SPPL3: variants seen among roughly 807,000 people sequenced by gnomAD.
SPPL3 encodes signal peptide peptidase like 3.
In SPPL3, 5 loss-of-function variants were observed where a neutral mutation model predicts 42.4. The observed-to-expected ratio is 0.12, with a 90% CI of 0.06 to 0.25. The LOEUF (loss-of-function observed/expected upper bound fraction) is 0.25, where lower values mean the gene tolerates loss of function less well. SPPL3 is among the 10% of genes least tolerant of loss of function. SPPL3 has a pLI of 1.00. For missense variants in SPPL3, 235 were observed against 489.0 expected (o/e 0.48, Z 4.90); for synonymous variants, 195 against 181.8 (o/e 1.07, Z -0.58).
At chr12:120,790,249 T>C (rs1042325480) in intron 3 of SPPL3, among the ~76,000 whole-genome samples, 2 of 152,252 alleles carry the variant, frequency 1.3e-5, no homozygotes, top group Non-Finnish European at 2.9e-5. Context: ...TATATTTAAA[T>C]GAGTCGACTT....
intron 1 of SPPL3, among the ~76,000 whole-genome samples, chr12:120,813,776 A>T (rs1247814701): frequency 1.3e-5 from 2 of 152,204 alleles, no homozygotes; most frequent in African/African-American, 2.4e-5. Context: ...AACCCATCAG[A>T]AACTGCCAAT....
At chr12:120,901,577 C>T (rs1370965224) in intron 1 of SPPL3, among the ~76,000 whole-genome samples, 1 of 120,436 alleles carries the variant, frequency 8.3e-6, no homozygotes, top group Non-Finnish European at 1.6e-5. Context: ...GGTGACAGAG[C>T]GAGACTCCGT....
At chr12:120,817,459 C>T (rs1592977330) in intron 1 of SPPL3, among the ~76,000 whole-genome samples, 1 of 152,292 alleles carries the variant, frequency 6.6e-6, no homozygotes. Context: ...GTATTTTCCT[C>T]TTTTAATCAC....
chr12:120,820,264 G>A (rs1215244601), intron 1 of SPPL3, among the ~76,000 whole-genome samples: 3 of 149,918 alleles, frequency 2.0e-5, no homozygotes, highest in African/African-American at 4.9e-5. Context: ...TTCCCTTTAT[G>A]GAAATATGTT....
chr12:120,902,188 G>GC (rs758335348), intron 1 of SPPL3, among the ~76,000 whole-genome samples: 1 of 152,208 alleles, frequency 6.6e-6, no homozygotes, highest in Non-Finnish European at 1.5e-5. Flanking sequence ...TCTTTTTAGA[G>GC]CACGTGTTCA....
chr12:120,902,119 C>T (rs544791139), intron 1 of SPPL3, among the ~76,000 whole-genome samples: 1 of 152,324 alleles, frequency 6.6e-6, no homozygotes, highest in Admixed American at 6.5e-5. Context: ...ATCTTGTGTT[C>T]CCTACGACCT....
At chr12:120,850,502 A>C (rs970003108) in intron 1 of SPPL3, among the ~76,000 whole-genome samples, 1 of 151,100 alleles carries the variant, frequency 6.6e-6, no homozygotes, top group African/African-American at 2.4e-5. Context: ...TAAAAAAAAA[A>C]AAAAAAAAAA....
intron 3 of SPPL3, among the ~76,000 whole-genome samples, chr12:120,790,050 A>G (rs1489349350): frequency 6.6e-6 from 1 of 152,152 alleles, no homozygotes; most frequent in African/African-American, 2.4e-5. Context: ...GGACTTTTAA[A>G]AAGAGTTTCA....
chr12:120,886,979 A>AT (rs1873481586), intron 1 of SPPL3, among the ~76,000 whole-genome samples: 1 of 139,078 alleles, frequency 7.2e-6, no homozygotes, highest in Non-Finnish European at 1.7e-5. Context: ...GTGATATAAT[A>AT]ATTTTTTTTT....
At chr12:120,827,481 A>G (rs922709227) in intron 1 of SPPL3, among the ~76,000 whole-genome samples, 2 of 152,076 alleles carry the variant, frequency 1.3e-5, no homozygotes, top group African/African-American at 4.8e-5. Context: ...CCTGAGGAAC[A>G]TACTTCCACT....
chr12:120,782,879 C>G, intron 5 of SPPL3, 112 bp from the exon 6 acceptor site: 1 of 762,638 alleles, frequency 1.3e-6, no homozygotes, highest in Non-Finnish European at 2.2e-6. Context: ...ACCAAGATAG[C>G]TGGAAATCCA....
At chr12:120,888,318 C>G (rs1043501865) in intron 1 of SPPL3, among the ~76,000 whole-genome samples, 2 of 152,150 alleles carry the variant, frequency 1.3e-5, no homozygotes, top group Admixed American at 1.3e-4. Flanking sequence ...TCAGGTGATC[C>G]ACCTGCCTCA....
intron 1 of SPPL3, among the ~76,000 whole-genome samples, chr12:120,898,325 A>AT (rs1873875983): frequency 6.7e-6 from 1 of 148,858 alleles, no homozygotes; most frequent in African/African-American, 2.5e-5. Flanking sequence ...AAAAAAAAAA[A>AT]AAAAAAAAAA....
intron 6 of SPPL3, among the ~76,000 whole-genome samples, chr12:120,782,275 A>G (rs990973978): frequency 2.0e-5 from 3 of 152,388 alleles, no homozygotes; most frequent in South Asian, 2.1e-4. Context: ...GTAAACGAAT[A>G]AATAAAATTA....
At chr12:120,873,070 A>C (rs942348185) in intron 1 of SPPL3, among the ~76,000 whole-genome samples, 1 of 152,232 alleles carries the variant, frequency 6.6e-6, no homozygotes, top group African/African-American at 2.4e-5. Flanking sequence ...ACGTTAAAAC[A>C]AACAATATAC....
chr12:120,820,560 C>T (rs1054590900), intron 1 of SPPL3, among the ~76,000 whole-genome samples: 4 of 151,986 alleles, frequency 2.6e-5, no homozygotes, highest in Non-Finnish European at 5.9e-5. Flanking sequence ...TTGTGATCTG[C>T]CCGCCTCGGC....
intron 10 of SPPL3, 57 bp downstream of exon 10, chr12:120,766,206 C>T (rs1340515950): frequency 2.0e-5 from 28 of 1,427,612 alleles, no homozygotes; most frequent in Non-Finnish European, 2.3e-5. Flanking sequence ...GAGTGCAAAC[C>T]GAGGCACAGG....
intron 1 of SPPL3, among the ~76,000 whole-genome samples, chr12:120,849,026 T>C (rs1026164593): frequency 1.3e-5 from 2 of 151,906 alleles, no homozygotes; most frequent in African/African-American, 4.8e-5. Context: ...TAGCTGGGCA[T>C]GGTGGCACAT....
intron 1 of SPPL3, among the ~76,000 whole-genome samples, chr12:120,819,488 A>G (rs1870982571): frequency 6.6e-6 from 1 of 152,238 alleles, no homozygotes; most frequent in South Asian, 2.1e-4. Flanking sequence ...AAATTTTATC[A>G]TTGATAAAAA....
Sources: allele counts gnomAD v4.1 joint callset (sites outside exome capture counted in the v4.1 genomes callset), GRCh38; gene constraint gnomAD v4.1.1; transcripts MANE v1.5; gene names NCBI Gene and HGNC (gene_info 2026-07-23, HGNC 2026-07-21).